Variants in GFRA2 observed in about 807,000 individuals in gnomAD.
The protein encoded by GFRA2 is GDNF family receptor alpha 2, also known as GDNF family receptor alpha-2.
In GFRA2, 17 loss-of-function variants were observed where a neutral mutation model predicts 48.3. That is an observed-to-expected ratio of 0.35 (90% CI 0.24 to 0.53). GFRA2 has a LOEUF of 0.53. Ranked by LOEUF, GFRA2 falls within the 20% of genes least tolerant of loss-of-function variation. The probability of loss-of-function intolerance (pLI) is 0.93; values close to 1 mark genes in which losing one functional copy is unlikely to be tolerated. For missense variants in GFRA2, 660 were observed against 637.3 expected (o/e 1.04, Z -0.38); for synonymous variants, 305 against 257.2 (o/e 1.19, Z -1.78).
intron 4 of GFRA2, among the ~76,000 whole-genome samples, chr8:21,710,596 G>C (rs1802973295): frequency 6.6e-6 from 1 of 152,128 alleles, no homozygotes; most frequent in Non-Finnish European, 1.5e-5. Context: ...CTCAAAGCAG[G>C]GCAAGGCACT....
chr8:21,722,328 C>T (rs1369288955), intron 4 of GFRA2, among the ~76,000 whole-genome samples: 1 of 152,202 alleles, frequency 6.6e-6, no homozygotes, highest in Admixed American at 6.5e-5. Flanking sequence ...GAAGTCTTAA[C>T]AGCAGCATCA....
At chr8:21,706,353 C>A (rs781713353) in intron 4 of GFRA2, 1 of 508,340 alleles carries the variant, frequency 2.0e-6, no homozygotes, top group Admixed American at 2.3e-5. Context: ...AGGCTGGAGC[C>A]GGGTGGGTTT....
intron 1 of GFRA2, among the ~76,000 whole-genome samples, chr8:21,810,760 A>C (rs571935730): frequency 2.1e-4 from 32 of 152,280 alleles, no homozygotes; most frequent in Non-Finnish European, 3.8e-4. Flanking sequence ...GCTTCTGGGA[A>C]TGGGGCCCCT....
At chr8:21,775,523 C>G (rs1444524066) in intron 2 of GFRA2, among the ~76,000 whole-genome samples, 6 of 152,220 alleles carry the variant, frequency 3.9e-5, no homozygotes, top group Non-Finnish European at 7.3e-5. Context: ...TGAGATCACA[C>G]AGCTACTCCT....
chr8:21,742,353 C>A (rs1301236955), intron 4 of GFRA2, among the ~76,000 whole-genome samples: 7 of 152,094 alleles, frequency 4.6e-5, no homozygotes, highest in Non-Finnish European at 7.4e-5. Context: ...TCTGCCTCTG[C>A]GTGCACACAT....
upstream of GFRA2, among the ~76,000 whole-genome samples, chr8:21,792,401 G>C (rs968355877): frequency 1.3e-5 from 2 of 152,188 alleles, no homozygotes; most frequent in African/African-American, 4.8e-5. Context: ...AACTGGCAAG[G>C]TGGAAGTGTC....
At chr8:21,778,519 T>G (rs1013915722) in intron 2 of GFRA2, among the ~76,000 whole-genome samples, 13 of 152,348 alleles carry the variant, frequency 8.5e-5, no homozygotes, top group African/African-American at 3.1e-4. Context: ...GTTCCTACAG[T>G]GCTGTTACCT....
At chr8:21,701,533 C>T (rs1802480359) in intron 7 of GFRA2, among the ~76,000 whole-genome samples, 1 of 152,238 alleles carries the variant, frequency 6.6e-6, no homozygotes, top group South Asian at 2.1e-4. Context: ...TCCTTTCCTC[C>T]TGGGAGGCTC....
At chr8:21,724,775 T>C (rs1184307580) in intron 4 of GFRA2, among the ~76,000 whole-genome samples, 1 of 152,136 alleles carries the variant, frequency 6.6e-6, no homozygotes, top group Non-Finnish European at 1.5e-5. Flanking sequence ...GGGGAAGTGT[T>C]AGCTCCCTTG....
chr8:21,752,954 G>A (rs1805371132), intron 3 of GFRA2, among the ~76,000 whole-genome samples: 1 of 152,070 alleles, frequency 6.6e-6, no homozygotes, highest in Non-Finnish European at 1.5e-5. Context: ...CCGACACTGT[G>A]CCTGTTAAGA....
At chr8:21,721,035 AG>A in intron 4 of GFRA2, among the ~76,000 whole-genome samples, 1 of 101,012 alleles carries the variant, frequency 9.9e-6, no homozygotes, top group African/African-American at 3.6e-5. Context: ...AAGGGAAGGG[AG>A]GGGAGGGAAG....
chr8:21,770,906 C>G (rs1273457322), intron 3 of GFRA2, among the ~76,000 whole-genome samples: 2 of 152,220 alleles, frequency 1.3e-5, no homozygotes, highest in African/African-American at 4.8e-5. Context: ...CCACCCTCTC[C>G]TGCCTCCCCA....
intron 4 of GFRA2, among the ~76,000 whole-genome samples, chr8:21,746,572 G>A (rs2117574177): frequency 6.6e-6 from 1 of 152,194 alleles, no homozygotes; most frequent in South Asian, 2.1e-4. Flanking sequence ...ACATAGCACT[G>A]CTTGTGGGCC....
intron 4 of GFRA2, among the ~76,000 whole-genome samples, chr8:21,708,791 AC>A (rs1293029654): frequency 6.6e-6 from 1 of 152,218 alleles, no homozygotes; most frequent in Non-Finnish European, 1.5e-5. Flanking sequence ...AAGGCATGCA[AC>A]AGACTCCCTT....
chr8:21,795,195 G>C (rs1390649814), intron 2 of GFRA2, among the ~76,000 whole-genome samples: 1 of 152,158 alleles, frequency 6.6e-6, no homozygotes, highest in Non-Finnish European at 1.5e-5. Flanking sequence ...AAGTTGCTCT[G>C]ACAGGAAGCC....
At chr8:21,725,238 G>A (rs1398620715) in intron 4 of GFRA2, among the ~76,000 whole-genome samples, 1 of 152,256 alleles carries the variant, frequency 6.6e-6, no homozygotes, top group Non-Finnish European at 1.5e-5. Context: ...CCTCAGGGCT[G>A]GGTTGTTCTG....
chr8:21,809,169 G>A (rs2117122953), intron 1 of GFRA2, among the ~76,000 whole-genome samples: 1 of 152,266 alleles, frequency 6.6e-6, no homozygotes, highest in Non-Finnish European at 1.5e-5. Flanking sequence ...GCCTAGACCC[G>A]CACTCCATGC....
intron 2 of GFRA2, 140 bp from the exon 3 acceptor site, chr8:21,775,195 C>G: frequency 6.4e-6 from 4 of 624,132 alleles, no homozygotes; most frequent in Non-Finnish European, 2.9e-6. Flanking sequence ...CAGCCCTTCC[C>G]AAAGTGAAGA....
At chr8:21,774,740 G>C (rs1209822955) in intron 3 of GFRA2, among the ~76,000 whole-genome samples, 1 of 152,180 alleles carries the variant, frequency 6.6e-6, no homozygotes, top group Non-Finnish European at 1.5e-5. Context: ...CTCCATGACA[G>C]CCACCTGGCC....
Sources: allele counts gnomAD v4.1 joint callset (sites outside exome capture counted in the v4.1 genomes callset), GRCh38; gene constraint gnomAD v4.1.1; transcripts MANE v1.5; gene names NCBI Gene and HGNC (gene_info 2026-07-23, HGNC 2026-07-21).